GMDS: variants seen among roughly 807,000 people sequenced by gnomAD.
GMDS encodes the protein GDP-mannose 4,6 dehydratase.
In GMDS, 20 loss-of-function variants were observed where a neutral mutation model predicts 49.9. The observed-to-expected ratio is 0.40, with a 90% CI of 0.28 to 0.58. The LOEUF (loss-of-function observed/expected upper bound fraction) is 0.58. Among genes scored for constraint, GMDS ranks in the 20% least tolerant of loss-of-function variants. GMDS has a pLI of 0.42. For synonymous variants in GMDS, 177 were observed against 178.6 expected, an observed-to-expected ratio of 0.99 and a Z score of 0.07; for missense variants, 362 against 481.4, an observed-to-expected ratio of 0.75 and a Z score of 2.32.
intron 7 of GMDS, among the ~76,000 whole-genome samples, chr6:1,852,041 G>T (rs532106693): frequency 6.6e-6 from 1 of 152,362 alleles, no homozygotes; most frequent in South Asian, 2.1e-4. Flanking sequence ...GAGCGAGAAA[G>T]AGATGCAGAA....
intron 4 of GMDS, among the ~76,000 whole-genome samples, chr6:2,105,129 C>T (rs1164371700): frequency 7.6e-6 from 1 of 131,206 alleles, no homozygotes. Flanking sequence ...TTGCAGTGAG[C>T]GGAGATCACG....
chr6:1,624,305 G>A (rs1762777410), intron 10 of GMDS, 74 bp from the exon 11 acceptor site: 1 of 1,400,160 alleles, frequency 7.1e-7, no homozygotes, highest in South Asian at 1.2e-5. Flanking sequence ...CCGGGTGTCG[G>A]CCCCAGAGAG....
chr6:2,164,715 C>T (rs1396076700), intron 1 of GMDS, among the ~76,000 whole-genome samples: 1 of 152,226 alleles, frequency 6.6e-6, no homozygotes, highest in Non-Finnish European at 1.5e-5. Context: ...CATAATACAG[C>T]CAGTCACAGG....
chr6:1,733,008 C>A (rs1766871510), intron 8 of GMDS, among the ~76,000 whole-genome samples: 1 of 152,230 alleles, frequency 6.6e-6, no homozygotes, highest in Admixed American at 6.5e-5. Flanking sequence ...CAGCACACCC[C>A]AGCCTGAGCT....
chr6:1,874,839 C>T (rs1004754224), intron 7 of GMDS, among the ~76,000 whole-genome samples: 39 of 151,856 alleles, frequency 2.6e-4, no homozygotes, highest in Admixed American at 1.2e-3. Context: ...AAAAGTGTCT[C>T]GTAGTAATAA....
chr6:1,845,202 GA>G (rs1757335909), intron 7 of GMDS, among the ~76,000 whole-genome samples: 1 of 152,166 alleles, frequency 6.6e-6, no homozygotes, highest in South Asian at 2.1e-4. Context: ...ACTCTCTAAT[GA>G]TTCCTCTATT....
intron 4 of GMDS, among the ~76,000 whole-genome samples, chr6:2,090,544 T>C (rs574919164): frequency 6.6e-6 from 1 of 152,334 alleles, no homozygotes; most frequent in East Asian, 1.9e-4. Flanking sequence ...CAGAAATAGA[T>C]TTTTTAAACT....
Position 2,115,020 on chromosome 6 carries a change from C to G in GMDS, c.345+751G>C, listed in dbSNP as rs116411281. ...CTGGACTTTTGAGGGGCTTTTATAA[C>G]TTAAGAGTTACTTGCTTTTATTTCT... On this transcript the variant is annotated intron_variant, in intron 4 of 10. Coordinates refer to ENST00000380815, the MANE Select transcript of GMDS (RefSeq NM_001500.4). Among the ~76,000 whole-genome samples, 1,453 of 152,206 alleles carry G rather than the reference C, an allele frequency of 9.5e-3. 26 individuals are homozygous for G. Among genetic ancestry groups the G allele is most frequent in the African/African-American group, 0.033 (1,378 of 41,546 alleles).
intron 7 of GMDS, among the ~76,000 whole-genome samples, chr6:1,743,350 G>A (rs747947190): frequency 2.0e-5 from 3 of 151,438 alleles, no homozygotes; most frequent in Admixed American, 6.6e-5. Flanking sequence ...TCAGGAGATC[G>A]AGACCACGGG....
intron 4 of GMDS, among the ~76,000 whole-genome samples, chr6:1,976,857 T>G (rs1409401896): frequency 6.6e-6 from 1 of 152,210 alleles, no homozygotes; most frequent in Non-Finnish European, 1.5e-5. Flanking sequence ...GTATTTAGAT[T>G]TTATGGGAAA....
intron 9 of GMDS, among the ~76,000 whole-genome samples, chr6:1,642,203 A>G (rs1763352902): frequency 7.8e-6 from 1 of 127,800 alleles, no homozygotes; most frequent in Non-Finnish European, 1.6e-5. Context: ...GTCTCACTCT[A>G]TCGCCCAGGC....
At chr6:1,985,330 C>A (rs1424264411) in intron 4 of GMDS, among the ~76,000 whole-genome samples, 2 of 152,018 alleles carry the variant, frequency 1.3e-5, no homozygotes, top group Non-Finnish European at 2.9e-5. Flanking sequence ...ATTAACCATA[C>A]GGGATAAGAA....
At chr6:2,055,452 T>TG (rs1377315130) in intron 4 of GMDS, among the ~76,000 whole-genome samples, 1 of 152,154 alleles carries the variant, frequency 6.6e-6, no homozygotes, top group African/African-American at 2.4e-5. Context: ...GGTCCACTAT[T>TG]TACTATATGA....
In GMDS at chr6:2,032,066, C is replaced by G. The variant is rs188533227; in HGVS notation, c.346-71100G>C. Among the ~76,000 whole-genome samples, 78 of 152,178 alleles carry G rather than the reference C, an allele frequency of 5.1e-4. 3 individuals carry two copies. The highest frequency in any genetic ancestry group is 3.4e-3 in the Middle Eastern group (1 of 294). Reference sequence around the variant, plus strand: ...GGCACACACAAAGATCCATAAAGAACAAGTGTAGAAGTTAGAACCTCTCAA... The same window carrying G: ...GGCACACACAAAGATCCATAAAGAAGAAGTGTAGAAGTTAGAACCTCTCAA... On this transcript the variant is annotated intron_variant, in intron 4 of 10. Transcript: ENST00000380815.
intron 4 of GMDS, among the ~76,000 whole-genome samples, chr6:2,050,834 C>T (rs1323521434): frequency 1.3e-5 from 2 of 152,178 alleles, no homozygotes; most frequent in Admixed American, 1.3e-4. Flanking sequence ...AACATCCCTT[C>T]ATCCTAAAAA....
intron 9 of GMDS, among the ~76,000 whole-genome samples, chr6:1,648,904 T>C (rs1763564474): frequency 6.6e-6 from 1 of 152,208 alleles, no homozygotes; most frequent in African/African-American, 2.4e-5. Flanking sequence ...AGCTCTTATT[T>C]GACTTTTTTG....
rs1775490877 is a variant in GMDS at position 2,127,078 on chromosome 6, CAGATAATGACACTGACCATTATCTAAGTT to C, written c.103-2376_103-2348del. Among the ~76,000 whole-genome samples, 8 of 152,228 alleles carry C rather than the reference CAGATAATGACACTGACCATTATCTAAGTT, an allele frequency of 5.3e-5. 1 individual carries two copies. In the South Asian group the frequency reaches 1.7e-3, roughly 32 times the overall value. ...GTTTTTACATATCTAAAATATATGT[CAGATAATGACACTGACCATTATCTAAGTT>C]AGATAATGACACTGACCAATTCAGA... On this transcript the variant is annotated intron_variant, in intron 1 of 10. Coordinates refer to ENST00000380815, the MANE Select transcript of GMDS (RefSeq NM_001500.4).
At chr6:1,667,265 C>T (rs895060081) in intron 9 of GMDS, among the ~76,000 whole-genome samples, 3 of 152,196 alleles carry the variant, frequency 2.0e-5, no homozygotes, top group Non-Finnish European at 4.4e-5. Flanking sequence ...AGCTTTTCTC[C>T]TCCCACCATT....
chr6:1,818,129 G>A (rs981079767), intron 7 of GMDS, among the ~76,000 whole-genome samples: 1 of 152,112 alleles, frequency 6.6e-6, no homozygotes, highest in African/African-American at 2.4e-5. Context: ...CATATTTATG[G>A]TATGACGACA....
Sources: gnomAD v4.1 joint callset for allele counts (sites outside exome capture counted in the v4.1 genomes callset) on GRCh38, gnomAD v4.1.1 for gene constraint, MANE v1.5 for transcripts, NCBI Gene and HGNC (gene_info 2026-07-23, HGNC 2026-07-21) for gene names.